The following CACNB4 variants were observed in gnomAD, a reference collection of about 807,000 sequenced individuals.
CACNB4 encodes the protein calcium voltage-gated channel auxiliary subunit beta 4.
CACNB4 carries 32 observed loss-of-function variants against 71.2 expected under a neutral mutation model. The observed-to-expected ratio is 0.45, with a 90% CI of 0.34 to 0.60. The LOEUF (loss-of-function observed/expected upper bound fraction) is 0.60. Among genes scored for constraint, CACNB4 ranks in the 20% least tolerant of loss-of-function variants. The pLI is 0.01. For missense variants in CACNB4, 464 were observed against 647.9 expected, an observed-to-expected ratio of 0.72 and a Z score of 3.08; for synonymous variants, 231 against 236.9, an observed-to-expected ratio of 0.97 and a Z score of 0.23.
chr2:151,973,696 G>A (rs1336299117), intron 2 of CACNB4: 2 of 1,613,436 alleles, frequency 1.2e-6, no homozygotes, highest in Non-Finnish European at 8.5e-7. Context: ...TTCCATGCAG[G>A]TACAAATTGT....
chr2:152,055,110 C>G (rs1560166382), intron 2 of CACNB4, among the ~76,000 whole-genome samples: 2 of 152,162 alleles, frequency 1.3e-5, no homozygotes. Flanking sequence ...CTCCCAGGTT[C>G]AAGGGATTCT....
At chr2:152,083,142 A>T (rs543047235) in intron 2 of CACNB4, among the ~76,000 whole-genome samples, 1 of 152,294 alleles carries the variant, frequency 6.6e-6, no homozygotes, top group African/African-American at 2.4e-5. Flanking sequence ...GCCTTAAGAC[A>T]GTCCCCCTGG....
intron 2 of CACNB4, chr2:151,967,105 T>C (rs889184446): frequency 6.8e-6 from 1 of 146,058 alleles, no homozygotes; most frequent in Non-Finnish European, 1.5e-5. Context: ...TGAAGTGCAG[T>C]GGCATGATCA....
At chr2:151,879,211 T>A (rs1323561171) in intron 4 of CACNB4, among the ~76,000 whole-genome samples, 1 of 152,220 alleles carries the variant, frequency 6.6e-6, no homozygotes, top group Non-Finnish European at 1.5e-5. Context: ...GGAACACTCA[T>A]TTGTTAAATG....
chr2:151,926,398 A>G (rs1028728214), intron 2 of CACNB4, among the ~76,000 whole-genome samples: 1 of 152,200 alleles, frequency 6.6e-6, no homozygotes, highest in African/African-American at 2.4e-5. Flanking sequence ...CAGTTTCACT[A>G]GATTATGGGG....
intron 2 of CACNB4, among the ~76,000 whole-genome samples, chr2:151,983,213 A>G (rs1426070311): frequency 2.6e-5 from 4 of 152,270 alleles, no homozygotes; most frequent in Non-Finnish European, 4.4e-5. Context: ...AATTCAAAGA[A>G]AAATCTTCAA....
At chr2:151,991,537 A>T (rs994919706) in intron 2 of CACNB4, among the ~76,000 whole-genome samples, 1 of 152,200 alleles carries the variant, frequency 6.6e-6, no homozygotes, top group Non-Finnish European at 1.5e-5. Flanking sequence ...TAGGTGACGA[A>T]TTCTGAAAAT....
chr2:152,097,685 C>T (rs1235968158), intron 2 of CACNB4, among the ~76,000 whole-genome samples: 1 of 152,184 alleles, frequency 6.6e-6, no homozygotes, highest in Non-Finnish European at 1.5e-5. Flanking sequence ...AGAAAGCAAG[C>T]ACTAAGAAAA....
At chr2:151,884,839 A>C (rs1271791692) in intron 2 of CACNB4, among the ~76,000 whole-genome samples, 1 of 152,190 alleles carries the variant, frequency 6.6e-6, no homozygotes, top group Non-Finnish European at 1.5e-5. Flanking sequence ...TTTACACAGC[A>C]GAGGTATTGG....
intron 8 of CACNB4, 55 bp downstream of exon 8, chr2:151,870,476 G>A (rs569701932): frequency 7.9e-4 from 1,134 of 1,429,020 alleles, no homozygotes; most frequent in Non-Finnish European, 1.0e-3. Context: ...GCGTCAACAT[G>A]ACTGTCTCCT....
At chr2:151,841,826 A>T (rs2099836303) in intron 13 of CACNB4, 77 bp downstream of exon 13, 2 of 1,209,396 alleles carry the variant, frequency 1.7e-6, no homozygotes, top group East Asian at 4.7e-5. Flanking sequence ...GGATGACTCC[A>T]GTCTCCATCC....
At chr2:151,861,003 T>C (rs1232059520) in intron 9 of CACNB4, 183 bp from the exon 10 acceptor site, 10 of 576,044 alleles carry the variant, frequency 1.7e-5, no homozygotes, top group Non-Finnish European at 3.1e-5. Flanking sequence ...CAGAGCAGAA[T>C]GGAGGAAGGT....
chr2:152,057,132 C>T (rs796888146), intron 2 of CACNB4, among the ~76,000 whole-genome samples: 50 of 152,244 alleles, frequency 3.3e-4, no homozygotes, highest in African/African-American at 1.1e-3. Context: ...GGCTGGAGGT[C>T]CATGTATTAA....
intron 2 of CACNB4, chr2:151,969,708 AAAAT>A (rs1165109408): frequency 1.3e-5 from 2 of 152,242 alleles, no homozygotes; most frequent in African/African-American, 4.8e-5. Flanking sequence ...CAGCTTATAG[AAAAT>A]AAATAGTTTA....
At chr2:151,862,815 C>G (rs978774212) in intron 9 of CACNB4, among the ~76,000 whole-genome samples, 1 of 152,192 alleles carries the variant, frequency 6.6e-6, no homozygotes, top group Non-Finnish European at 1.5e-5. Flanking sequence ...GCCAAGTCAC[C>G]TGACTCCACC....
chr2:151,928,112 T>C (rs571320037), intron 2 of CACNB4, among the ~76,000 whole-genome samples: 1 of 152,322 alleles, frequency 6.6e-6, no homozygotes, highest in East Asian at 1.9e-4. Flanking sequence ...GCTCAGGGCA[T>C]GGCAGAGAAC....
At chr2:152,055,611 C>G (rs1376656522) in intron 2 of CACNB4, among the ~76,000 whole-genome samples, 2 of 152,162 alleles carry the variant, frequency 1.3e-5, no homozygotes, top group African/African-American at 4.8e-5. Context: ...CTGCTGTGCT[C>G]TGATTATCAC....
intron 2 of CACNB4, among the ~76,000 whole-genome samples, chr2:151,952,756 T>A (rs1319569292): frequency 6.6e-6 from 1 of 151,982 alleles, no homozygotes; most frequent in African/African-American, 2.4e-5. Flanking sequence ...GGGGAAAAAA[T>A]GTCAGCTGAA....
chr2:151,937,140 G>A (rs114521571), intron 2 of CACNB4, among the ~76,000 whole-genome samples: 2,188 of 152,170 alleles, frequency 0.014, 26 homozygotes, highest in Middle Eastern at 0.031. Flanking sequence ...TTTTCTCATC[G>A]GAAACCACTG....
Sources: allele counts gnomAD v4.1 joint callset (sites outside exome capture counted in the v4.1 genomes callset), GRCh38; gene constraint gnomAD v4.1.1; transcripts MANE v1.5; gene names NCBI Gene and HGNC (gene_info 2026-07-23, HGNC 2026-07-21).